The following ANKRD12 variants were observed in gnomAD, a reference collection of about 807,000 sequenced individuals.
The protein encoded by ANKRD12 is ankyrin repeat domain-containing protein 12.
A neutral mutation model predicts 183.4 loss-of-function variants in ANKRD12; 85 were observed. The observed-to-expected ratio is 0.46, with a 90% CI of 0.39 to 0.56. The LOEUF (loss-of-function observed/expected upper bound fraction) is 0.56, where lower values mean the gene tolerates loss of function less well. ANKRD12 is among the 20% of genes least tolerant of loss of function. The pLI is 0.00. For missense variants in ANKRD12, 2,405 were observed against 2,357.1 expected, an observed-to-expected ratio of 1.02 and a Z score of -0.42; for synonymous variants, 914 against 800.2, an observed-to-expected ratio of 1.14 and a Z score of -2.40.
chr18:9,191,000 A>G (rs1174366961), intron 2 of ANKRD12, among the ~76,000 whole-genome samples: 1 of 152,168 alleles, frequency 6.6e-6, no homozygotes, highest in Non-Finnish European at 1.5e-5. Flanking sequence ...GTGTGTATAT[A>G]TATTCTTGTT....
intron 12 of ANKRD12, among the ~76,000 whole-genome samples, chr18:9,280,505 T>C (rs1443643817): frequency 6.6e-6 from 1 of 152,168 alleles, no homozygotes; most frequent in Non-Finnish European, 1.5e-5. Flanking sequence ...AATGGACTTG[T>C]AGGCCGGGTG....
At position 9,211,937 on chromosome 18, in the gene ANKRD12, A is replaced by G. The variant is rs140107721; in HGVS notation, c.652+153A>G. 3.5e-3 allele frequency among the ~76,000 whole-genome samples: 539 copies of G among 152,036 alleles called. 5 individuals are homozygous for G. Among genetic ancestry groups the G allele is most frequent in the African/African-American group, 0.013 (520 of 41,506 alleles). ...AAAACTTTTGGAGTTCGTACATAAAACCCCTGATTTCTACTACAATTCCAT... is the reference window on the plus strand; with the variant it reads ...AAAACTTTTGGAGTTCGTACATAAAGCCCCTGATTTCTACTACAATTCCAT... On this transcript the variant is annotated intron_variant, in intron 6 of 12. Coordinates refer to ENST00000262126, the MANE Select transcript of ANKRD12 (RefSeq NM_015208.5).
Position 9,255,389 on chromosome 18 carries a change from G to T in ANKRD12, c.2122G>T (p.Asp708Tyr). 1.3e-6 allele frequency: 2 copies of T among 1,594,750 alleles called. No homozygotes were observed. Among genetic ancestry groups the T allele is most frequent in the South Asian group, 1.2e-5 (1 of 86,604 alleles). ...ENFFKSDETE[D>Y]LFLNMEHESL... Reference sequence around the variant, plus strand: ...TTTTTTTAAAAGTGATGAAACTGAAGATCTCTTTTTAAATATGGAACATGA... The same window carrying T: ...TTTTTTTAAAAGTGATGAAACTGAATATCTCTTTTTAAATATGGAACATGA... Residue 708 changes from aspartate to tyrosine, a missense_variant, in exon 9 of 13, where the codon GAT (aspartate) becomes TAT (tyrosine). Asp to Tyr is a radical substitution (Grantham distance 160). Transcript: ENST00000262126.
At chr18:9,155,289 G>T (rs956418256) in intron 1 of ANKRD12, among the ~76,000 whole-genome samples, 2 of 152,146 alleles carry the variant, frequency 1.3e-5, no homozygotes, top group African/African-American at 4.8e-5. Context: ...AGTATAATTG[G>T]GTTGTTTGTA....
chr18:9,187,242 A>AC (rs370122824), intron 2 of ANKRD12, among the ~76,000 whole-genome samples: 2 of 149,674 alleles, frequency 1.3e-5, no homozygotes, highest in African/African-American at 4.9e-5. Context: ...CCTGGGCAAG[A>AC]CCCCCGTCTC....
chr18:9,157,036 A>G (rs1284728749), intron 1 of ANKRD12, among the ~76,000 whole-genome samples: 3 of 152,236 alleles, frequency 2.0e-5, no homozygotes, highest in African/African-American at 7.2e-5. Context: ...ATCAAGTTCT[A>G]GAGATAGATG....
rs751122885 is a variant in ANKRD12 at position 9,211,570 on chromosome 18, CTTCT to C, written c.452-8_452-5del. On this transcript the variant is annotated splice_polypyrimidine_tract_variant and intron_variant, in intron 5 of 12. Transcript: ENST00000262126. ...TTAGCCTAGAACTTCTGCTAACTTT[CTTCT>C]TTCTTACAGATTCCACACCAAATCA... The C allele has an allele frequency of 5.0e-6, 8 of 1,611,056 alleles. No homozygotes were observed. In the Admixed American group the frequency reaches 1.3e-4, roughly 27 times the overall value.
chr18:9,150,779 G>C (rs796206241), intron 1 of ANKRD12, among the ~76,000 whole-genome samples: 5 of 151,980 alleles, frequency 3.3e-5, no homozygotes, highest in African/African-American at 1.2e-4. Context: ...TCAGCCTCCC[G>C]AGTAGCTGGG....
rs568044210 is a variant in ANKRD12, at chr18:9,255,741, G to T, written c.2474G>T (p.Arg825Leu). 21 of 1,586,642 alleles carry T rather than the reference G, an allele frequency of 1.3e-5. No individual in the cohort carries two copies. The highest frequency in any genetic ancestry group is 3.8e-5 in the Admixed American group (2 of 52,490). Residue 825 changes from arginine to leucine, a missense_variant, in exon 9 of 13, where the codon CGA (arginine) becomes CTA (leucine). Coordinates refer to ENST00000262126, the MANE Select transcript of ANKRD12 (RefSeq NM_015208.5). ...GAAAGTAAAGAAAAACCTGAGAAGC[G>T]ATCTCAAATTAAAGAAAAGGACATT... ...IKESKEKPEK[R>L]SQIKEKDIEK...
rs2040095685 is a variant in ANKRD12 at position 9,281,240 on chromosome 18, G to A, written c.*114G>A. The A allele has an allele frequency of 7.0e-6, 6 of 854,868 alleles. 1 individual carries two copies. The highest frequency in any genetic ancestry group is 6.1e-5 in the South Asian group (3 of 49,502). The allele number at this position is 854,868 out of a possible 1,614,324, so 53.0% of individuals were successfully genotyped here. A position where few individuals can be genotyped will look rare whatever the true frequency, so the allele number is the denominator to read the frequency against. On this transcript the variant is annotated 3_prime_UTR_variant, in exon 13 of 13. Coordinates refer to ENST00000262126, the MANE Select transcript of ANKRD12 (RefSeq NM_015208.5). ...GCCTTTACAATTGTTAGTAAAGTTC[G>A]ATTATAGTTGGTTATGTAGTAAACA...
intron 6 of ANKRD12, 54 bp downstream of exon 6, chr18:9,211,838 C>G: frequency 7.2e-7 from 1 of 1,385,408 alleles, no homozygotes. Context: ...TAAACAGATC[C>G]TGGTTACAAT....
At chr18:9,155,052 C>A (rs1231996027) in intron 1 of ANKRD12, among the ~76,000 whole-genome samples, 1 of 152,122 alleles carries the variant, frequency 6.6e-6, no homozygotes, top group African/African-American at 2.4e-5. Flanking sequence ...GGTACCATGG[C>A]TTAGTGAATA....
chr18:9,260,981 C>T (rs571340427), intron 9 of ANKRD12, among the ~76,000 whole-genome samples: 1 of 152,088 alleles, frequency 6.6e-6, no homozygotes, highest in Non-Finnish European at 1.5e-5. Flanking sequence ...TCCTGTGGTC[C>T]CTTACCACCC....
At chr18:9,194,883 C>T (rs2034680675) in intron 2 of ANKRD12, among the ~76,000 whole-genome samples, 1 of 152,126 alleles carries the variant, frequency 6.6e-6, no homozygotes, top group Non-Finnish European at 1.5e-5. Flanking sequence ...ACATACATGC[C>T]TATGTTCATT....
At chr18:9,196,150 C>CAT (rs2034793083) in intron 3 of ANKRD12, among the ~76,000 whole-genome samples, 1 of 131,118 alleles carries the variant, frequency 7.6e-6, no homozygotes, top group African/African-American at 3.1e-5. Flanking sequence ...CACACACACA[C>CAT]ATTGAGGCTA....
chr18:9,267,594 C>A (rs2039368097), intron 10 of ANKRD12, among the ~76,000 whole-genome samples: 1 of 151,968 alleles, frequency 6.6e-6, no homozygotes, highest in Non-Finnish European at 1.5e-5. Flanking sequence ...ACACAACATA[C>A]CAGAATCTCT....
chr18:9,206,396 A>C (rs2035485876), intron 4 of ANKRD12, among the ~76,000 whole-genome samples: 1 of 151,964 alleles, frequency 6.6e-6, no homozygotes, highest in African/African-American at 2.4e-5. Context: ...ATATATTATC[A>C]TTTTTTTACT....
chr18:9,170,918 C>G (rs2032648698), intron 1 of ANKRD12, among the ~76,000 whole-genome samples: 1 of 152,160 alleles, frequency 6.6e-6, no homozygotes, highest in South Asian at 2.1e-4. Flanking sequence ...AGTTTTCCTT[C>G]TAACAGACAG....
chr18:9,240,947 A>G (rs1567954371), intron 8 of ANKRD12, among the ~76,000 whole-genome samples: 1 of 152,154 alleles, frequency 6.6e-6, no homozygotes, highest in Non-Finnish European at 1.5e-5. Context: ...AATTTGTACA[A>G]CTTATTTCCT....
Sources: gnomAD v4.1 joint callset for allele counts (sites outside exome capture counted in the v4.1 genomes callset) on GRCh38, gnomAD v4.1.1 for gene constraint, MANE v1.5 for transcripts, NCBI Gene and HGNC (gene_info 2026-07-23, HGNC 2026-07-21) for gene names.